The following TNS1 variants were observed in gnomAD, a reference collection of about 807,000 sequenced individuals.
TNS1 encodes the protein tensin 1.
TNS1 carries 62 observed loss-of-function variants against 168.6 expected under a neutral mutation model. The ratio of observed to expected loss-of-function variants is 0.37; its 90% CI spans 0.30 to 0.45. The LOEUF (loss-of-function observed/expected upper bound fraction) is 0.45, where lower values mean the gene tolerates loss of function less well. TNS1 is among the 20% of genes least tolerant of loss of function. TNS1 has a pLI of 1.00. For synonymous variants in TNS1, 934 were observed against 933.2 expected, an observed-to-expected ratio of 1.00 and a Z score of -0.02; for missense variants, 2,240 against 2,339.4, an observed-to-expected ratio of 0.96 and a Z score of 0.88.
At chr2:217,876,584 G>A (rs998206591) in intron 18 of TNS1, among the ~76,000 whole-genome samples, 3 of 152,118 alleles carry the variant, frequency 2.0e-5, no homozygotes, top group Non-Finnish European at 4.4e-5. Context: ...CAGGTGTGAC[G>A]AGCTGAACTG....
intron 28 of TNS1, among the ~76,000 whole-genome samples, chr2:217,811,717 C>T (rs1167374618): frequency 6.6e-6 from 1 of 152,168 alleles, no homozygotes; most frequent in African/African-American, 2.4e-5. Flanking sequence ...CTGCCACGCT[C>T]CAGGGCTGAT....
intron 2 of TNS1, among the ~76,000 whole-genome samples, chr2:217,987,210 A>G (rs892347706): frequency 6.6e-6 from 1 of 152,066 alleles, no homozygotes; most frequent in African/African-American, 2.4e-5. Context: ...TTTCACACAG[A>G]GCCTTCATCC....
rs139539899 is a variant in TNS1, at chr2:217,823,514, C to T, written c.3374-1576G>A. Among the ~76,000 whole-genome samples, 51 of 152,316 alleles carry T rather than the reference C, an allele frequency of 3.3e-4. No homozygotes were observed. In the East Asian group the frequency reaches 8.3e-3, roughly 25 times the overall value. ...CTTTGCTGCATAGGGGCATGGCCTC[C>T]GTGGAGTGGCTTCTGGGGTGGCCCT... is the stretch of plus-strand genomic sequence containing the variant. On this transcript the variant is annotated intron_variant, in intron 22 of 32. Transcript: ENST00000682258.
At chr2:218,029,350 T>C (rs1958874097) in intron 1 of TNS1, among the ~76,000 whole-genome samples, 1 of 152,244 alleles carries the variant, frequency 6.6e-6, no homozygotes, top group Non-Finnish European at 1.5e-5. Flanking sequence ...ATTGAATGAT[T>C]CCTTTGATTC....
chr2:217,849,900 G>A, intron 18 of TNS1: 1 of 985,424 alleles, frequency 1.0e-6, no homozygotes, highest in Non-Finnish European at 1.2e-6. Flanking sequence ...AGGCAGAGCT[G>A]GGACTCTCTA....
At chr2:217,997,108 C>T (rs1958484237) in intron 1 of TNS1, among the ~76,000 whole-genome samples, 2 of 152,164 alleles carry the variant, frequency 1.3e-5, no homozygotes, top group Non-Finnish European at 2.9e-5. Flanking sequence ...ATTCAAACCT[C>T]ATCCCCTCAG....
intron 22 of TNS1, among the ~76,000 whole-genome samples, chr2:217,824,509 G>C (rs1485671578): frequency 1.3e-5 from 2 of 152,192 alleles, no homozygotes; most frequent in Non-Finnish European, 2.9e-5. Context: ...ACCTTGCCCA[G>C]GTCACAGCTG....
At chr2:217,978,907 G>A (rs997833097) in intron 2 of TNS1, 105 bp from the exon 3 acceptor site, 1 of 688,454 alleles carries the variant, frequency 1.5e-6, no homozygotes, top group African/African-American at 1.8e-5. Flanking sequence ...GCTCGGGAAG[G>A]AAGGAGGGAA....
At chr2:217,850,084 C>T in intron 18 of TNS1, 2 of 985,432 alleles carry the variant, frequency 2.0e-6, no homozygotes, top group Non-Finnish European at 2.4e-6. Flanking sequence ...CACCAGCAAG[C>T]TCAGCCCATA....
At chr2:218,000,408 G>A (rs1958540758) in intron 1 of TNS1, among the ~76,000 whole-genome samples, 1 of 152,202 alleles carries the variant, frequency 6.6e-6, no homozygotes, top group Non-Finnish European at 1.5e-5. Flanking sequence ...GTAGAGCCCT[G>A]TCCCATGACA....
chr2:218,014,852 G>T (rs1473506956), upstream of TNS1, among the ~76,000 whole-genome samples: 4 of 142,390 alleles, frequency 2.8e-5, no homozygotes, highest in Non-Finnish European at 4.5e-5. Context: ...TTAAAGGATT[G>T]CAGGAGGGAA....
intron 3 of TNS1, among the ~76,000 whole-genome samples, chr2:217,968,799 A>G (rs1957708594): frequency 6.6e-6 from 1 of 151,810 alleles, no homozygotes. Context: ...GGTTCAAGAG[A>G]TCTTCCTACG....
At chr2:217,936,350 G>T (rs966511089) in intron 3 of TNS1, among the ~76,000 whole-genome samples, 8 of 152,182 alleles carry the variant, frequency 5.3e-5, no homozygotes, top group African/African-American at 1.9e-4. Context: ...CCATCCCAGG[G>T]CTGCGTGTGA....
At chr2:217,883,533 G>A (rs1559295515) in intron 16 of TNS1, among the ~76,000 whole-genome samples, 1 of 152,212 alleles carries the variant, frequency 6.6e-6, no homozygotes, top group Non-Finnish European at 1.5e-5. Context: ...CCAAAGTGCT[G>A]GGATTACAGG....
chr2:217,996,173 C>T (rs1235738670), intron 1 of TNS1, among the ~76,000 whole-genome samples: 4 of 152,218 alleles, frequency 2.6e-5, no homozygotes, highest in Admixed American at 6.5e-5. Context: ...ACTCCCTCAG[C>T]GCTGCCTCCC....
At chr2:217,836,253 T>G (rs1419101948) in intron 19 of TNS1, 42 bp from the exon 20 acceptor site, 1 of 1,562,702 alleles carries the variant, frequency 6.4e-7, no homozygotes. Context: ...AGCATTTTTG[T>G]GTAAGAAATG....
Position 218,032,148 on chromosome 2 carries a change from G to C in TNS1, c.156+1672C>G, listed in dbSNP as rs966073652. Among the ~76,000 whole-genome samples the C allele has an allele frequency of 6.6e-6, 1 of 152,176 alleles. No homozygotes were observed. The highest frequency in any genetic ancestry group is 1.5e-5 in the Non-Finnish European group (1 of 68,034). On this transcript the variant is annotated intron_variant, in intron 1 of 1. Coordinates refer to the TNS1 transcript ENST00000649572. This position sits in a 1 kb window ranked among gnomAD's most constrained non-coding sequence, Gnocchi z 4.0. The stretch of plus-strand genomic sequence containing the variant: ...TAGGGCAGTTGTGGGACCTAGAGAG[G>C]CCACCTGGGAGGGGCAGGGCCCACA...
chr2:217,852,968 C>G (rs986747481), intron 18 of TNS1, among the ~76,000 whole-genome samples: 1 of 152,102 alleles, frequency 6.6e-6, no homozygotes, highest in Non-Finnish European at 1.5e-5. Context: ...CAGGCCTGTC[C>G]AGCCCTGATG....
intron 3 of TNS1, among the ~76,000 whole-genome samples, chr2:217,954,124 T>C (rs990506684): frequency 2.0e-5 from 3 of 152,194 alleles, no homozygotes; most frequent in Non-Finnish European, 2.9e-5. Flanking sequence ...CTCTCCAGCC[T>C]GGCGAGGTGC....
Sources: allele counts gnomAD v4.1 joint callset (sites outside exome capture counted in the v4.1 genomes callset), GRCh38; gene constraint gnomAD v4.1.1; non-coding constraint Gnocchi (gnomAD v3.1); transcripts MANE v1.5; gene names NCBI Gene and HGNC (gene_info 2026-07-23, HGNC 2026-07-21).